Variants in SCD5 observed in about 807,000 individuals in gnomAD.
SCD5 encodes the protein stearoyl-CoA desaturase 5, also known as acyl-CoA-desaturase 4.
Under a neutral mutation model 30.4 loss-of-function variants are expected in SCD5, and 20 were observed. The ratio of observed to expected loss-of-function variants is 0.66; its 90% CI spans 0.46 to 0.96. SCD5 has a LOEUF of 0.96. SCD5 is among the 40% of genes least tolerant of loss of function. The pLI, the probability that SCD5 is intolerant of heterozygous loss-of-function variation, is 0.00. For missense variants in SCD5, 381 were observed against 443.3 expected (o/e 0.86, Z 1.26); for synonymous variants, 173 against 176.4 (o/e 0.98, Z 0.16).
rs35386827 is a variant in SCD5, at chr4:82,737,956, TA to T, written c.233-32544del. Reference sequence around the variant, plus strand: ...TGGACCTGAGGTCAATCTAATTAGCTAAAAAAAAAAAAATCCACTATCTAGA... The same window carrying T: ...TGGACCTGAGGTCAATCTAATTAGCTAAAAAAAAAAAATCCACTATCTAGA... On this transcript the variant is annotated intron_variant, in intron 1 of 4. Transcript: ENST00000319540. Among the ~76,000 whole-genome samples the T allele has an allele frequency of 5.0e-4, 73 of 147,258 alleles. 2 individuals are homozygous for T. The highest frequency in any genetic ancestry group is 3.5e-3 in the Middle Eastern group (1 of 282).
chr4:82,750,044 C>G (rs575849478), intron 1 of SCD5, among the ~76,000 whole-genome samples: 2 of 152,312 alleles, frequency 1.3e-5, no homozygotes, highest in African/African-American at 4.8e-5. Context: ...ATTTCCTTAT[C>G]TGGAAAAGTG....
rs568989661 is a variant in SCD5 at position 82,796,202 on chromosome 4, G to A, written c.232+2104C>T. Among the ~76,000 whole-genome samples the A allele has an allele frequency of 7.4e-4, 113 of 151,798 alleles. 3 individuals carry two copies. In the South Asian group the frequency reaches 0.021, roughly 28 times the overall value. On this transcript the variant is annotated intron_variant, in intron 1 of 4. Transcript: ENST00000319540. ...GGAGAATGGTGTGAACCCAGGAGGCGGAGCTTGCGGTGAGCCGAGATCGCA... is the reference window on the plus strand; with the variant it reads ...GGAGAATGGTGTGAACCCAGGAGGCAGAGCTTGCGGTGAGCCGAGATCGCA...
At chr4:82,726,691 CT>C (rs1720480418) in intron 1 of SCD5, among the ~76,000 whole-genome samples, 6 of 152,038 alleles carry the variant, frequency 3.9e-5, no homozygotes, top group Admixed American at 3.9e-4. Flanking sequence ...TGCACTGACA[CT>C]TTCTATTTTA....
intron 2 of SCD5, among the ~76,000 whole-genome samples, chr4:82,703,827 A>C (rs1285910807): frequency 6.6e-6 from 1 of 152,216 alleles, no homozygotes; most frequent in Non-Finnish European, 1.5e-5. Flanking sequence ...AGAAATGAAA[A>C]TTATCAAGTT....
intron 1 of SCD5, among the ~76,000 whole-genome samples, chr4:82,739,417 A>G (rs955783437): frequency 1.3e-5 from 2 of 152,246 alleles, no homozygotes; most frequent in East Asian, 3.8e-4. Flanking sequence ...AATTTCCAGC[A>G]ATTTATGAAG....
At chr4:82,638,889 C>T (rs1727484635) in intron 3 of SCD5, among the ~76,000 whole-genome samples, 1 of 152,180 alleles carries the variant, frequency 6.6e-6, no homozygotes, top group African/African-American at 2.4e-5. Context: ...TCATTTAATT[C>T]TAACAAACAT....
At chr4:82,664,961 ATCTCTCTCTCTCTC>A (rs368839845) in intron 3 of SCD5, among the ~76,000 whole-genome samples, 19 of 77,072 alleles carry the variant, frequency 2.5e-4, no homozygotes, top group Non-Finnish European at 3.0e-4. Context: ...GCAAGACCCC[ATCTCTCTCTCTCTC>A]TCTCTCTCTC....
chr4:82,717,814 G>A (rs1476428766), intron 1 of SCD5, among the ~76,000 whole-genome samples: 1 of 151,614 alleles, frequency 6.6e-6, no homozygotes, highest in African/African-American at 2.4e-5. Flanking sequence ...TACTTGGGAG[G>A]GTGAAGCACG....
At chr4:82,676,345 G>A (rs1374103694) in intron 3 of SCD5, among the ~76,000 whole-genome samples, 6 of 152,122 alleles carry the variant, frequency 3.9e-5, no homozygotes, top group Non-Finnish European at 8.8e-5. Flanking sequence ...ATGGATCCAC[G>A]CTCAACCTTA....
intron 1 of SCD5, among the ~76,000 whole-genome samples, chr4:82,792,398 C>G (rs1408788026): frequency 6.6e-6 from 1 of 152,020 alleles, no homozygotes; most frequent in Non-Finnish European, 1.5e-5. Context: ...TGAGTGTCTA[C>G]TCTTTAGCAA....
At chr4:82,781,058 T>C (rs1721858631) in intron 1 of SCD5, among the ~76,000 whole-genome samples, 1 of 152,182 alleles carries the variant, frequency 6.6e-6, no homozygotes, top group Non-Finnish European at 1.5e-5. Flanking sequence ...AGAGGAGGGC[T>C]GGAGAAGCCT....
intron 1 of SCD5, among the ~76,000 whole-genome samples, chr4:82,712,294 A>ATATT (rs1720123713): frequency 3.1e-5 from 1 of 32,052 alleles, no homozygotes; most frequent in Admixed American, 4.0e-4. Flanking sequence ...ATATATATAT[A>ATATT]TATTTTATTT....
chr4:82,798,577 C>A lies in SCD5; in HGVS notation c.-40G>T. On this transcript the variant is annotated 5_prime_UTR_variant, in exon 1 of 5. Coordinates refer to ENST00000319540, the MANE Select transcript of SCD5 (RefSeq NM_001037582.3). ...GGCGCCCGCAGCAGCGGCAGGCAGG[C>A]AGGCGCTCTGCCCGAGCGGAGCTCG... 3 of 1,518,154 alleles carry A rather than the reference C, an allele frequency of 2.0e-6. No homozygotes were observed. Among genetic ancestry groups the A allele is most frequent in the Non-Finnish European group, 1.8e-6 (2 of 1,131,230 alleles). 94.0% of individuals were successfully genotyped at this position (1,518,154 alleles called of 1,614,324 possible).
intron 1 of SCD5, among the ~76,000 whole-genome samples, chr4:82,762,686 T>G (rs1392914872): frequency 1.3e-5 from 2 of 152,196 alleles, no homozygotes; most frequent in Non-Finnish European, 2.9e-5. Flanking sequence ...AGCTGGTGGG[T>G]TTGAGGAAGG....
At chr4:82,701,599 A>G (rs10016771) in intron 2 of SCD5, among the ~76,000 whole-genome samples, 142,674 of 152,310 alleles carry the variant, frequency 0.94, 66,919 homozygotes, top group East Asian at 1. Context: ...AATCAGGACA[A>G]TGGGGTTTCA....
At chr4:82,680,997 C>G (rs2276883) in intron 2 of SCD5, 85 bp from the exon 3 acceptor site, 7 of 1,115,266 alleles carry the variant, frequency 6.3e-6, no homozygotes, top group Non-Finnish European at 9.3e-6. Context: ...TCCCCTCCCC[C>G]ACCAGTCCTC....
intron 1 of SCD5, among the ~76,000 whole-genome samples, chr4:82,774,796 T>C (rs1183474844): frequency 6.6e-6 from 1 of 152,214 alleles, no homozygotes; most frequent in Non-Finnish European, 1.5e-5. Context: ...CCACTCTGTC[T>C]TCCCAGGATT....
At chr4:82,650,906 AAAT>A (rs1727739388) in intron 3 of SCD5, among the ~76,000 whole-genome samples, 2 of 151,890 alleles carry the variant, frequency 1.3e-5, no homozygotes, top group Admixed American at 6.6e-5. Flanking sequence ...CAATTCATTA[AAAT>A]AATAAACCTA....
chr4:82,730,382 C>T lies in SCD5; in HGVS notation c.233-24969G>A, dbSNP rs541207874. Among the ~76,000 whole-genome samples the T allele has an allele frequency of 3.1e-4, 47 of 150,306 alleles. 2 individuals are homozygous for T. In the South Asian group the frequency reaches 5.0e-3, roughly 16 times the overall value. On this transcript the variant is annotated intron_variant, in intron 1 of 4. Transcript: ENST00000319540. ...CACGATCTTGGCTCCCTGCAACCTC[C>T]GCTTCCCGGGTTCAAGCAATTCTCC...
Sources: gnomAD v4.1 joint callset for allele counts (sites outside exome capture counted in the v4.1 genomes callset) on GRCh38, gnomAD v4.1.1 for gene constraint, MANE v1.5 for transcripts, NCBI Gene and HGNC (gene_info 2026-07-23, HGNC 2026-07-21) for gene names.